Variants in ZNF117 observed in about 807,000 individuals in gnomAD.
ZNF117 encodes the protein zinc finger protein 117, also known as Krueppel-related zinc finger protein.
ZNF117 carries 37 observed loss-of-function variants against 41.2 expected under a neutral mutation model. That is an observed-to-expected ratio of 0.90 (90% CI 0.69 to 1.18). The LOEUF is 1.18. ZNF117 is among the 50% of genes most tolerant of loss of function. ZNF117 has a pLI of 0.00. For missense variants in ZNF117, 546 were observed against 557.5 expected (o/e 0.98, Z 0.21); for synonymous variants, 186 against 186.6 (o/e 1.00, Z 0.02).
chr7:64,978,722 A>G (rs878954140), exon 3 of ZNF117: 10 of 1,610,108 alleles, frequency 6.2e-6, no homozygotes, highest in East Asian at 2.2e-5. Context: ...TAAAGGCTTT[A>G]CCACATTCTT....
chr7:64,978,367 A>C, exon 3 of ZNF117: 1 of 1,613,586 alleles, frequency 6.2e-7, no homozygotes, highest in Non-Finnish European at 8.5e-7. Context: ...CTAAGTTTTG[A>C]GGATAGGTGG....
At chr7:64,982,330 T>G (rs537709077), upstream of ZNF117, among the ~76,000 whole-genome samples, 1 of 152,290 alleles carries the variant, frequency 6.6e-6, no homozygotes, top group Non-Finnish European at 1.5e-5. Context: ...TATAAGAAGA[T>G]CCACAACATC....
chr7:64,979,247 A>G, exon 3 of ZNF117: 1 of 1,608,154 alleles, frequency 6.2e-7, no homozygotes, highest in Non-Finnish European at 8.5e-7. Flanking sequence ...TACATTTAAA[A>G]TGTTTATTTT....
chr7:64,985,672 T>C (rs1342839165), upstream of ZNF117, among the ~76,000 whole-genome samples: 2 of 152,204 alleles, frequency 1.3e-5, no homozygotes, highest in East Asian at 1.9e-4. Flanking sequence ...TAAGAAAATA[T>C]ACTCCTGGCA....
exon 1 of ZNF117, chr7:64,990,215 A>G (rs1786232681): frequency 6.6e-6 from 1 of 152,260 alleles, no homozygotes; most frequent in East Asian, 1.9e-4. Flanking sequence ...TATTAGAAAA[A>G]TGCAGAGAAA....
At chr7:64,983,094 A>G (rs1332651092), upstream of ZNF117, among the ~76,000 whole-genome samples, 5 of 152,240 alleles carry the variant, frequency 3.3e-5, no homozygotes, top group Non-Finnish European at 2.9e-5. Flanking sequence ...AAGAGCAGGT[A>G]TCTATCTCCT....
At chr7:64,982,081 G>A (rs549095150) in exon 1 of ZNF117, 3 of 968,442 alleles carry the variant, frequency 3.1e-6, no homozygotes, top group African/African-American at 1.6e-5. Context: ...CCTCCAAAGA[G>A]AATTCTATGG....
At position 64,982,025 on chromosome 7, in the gene ZNF117, A is replaced by G; in HGVS notation, c.-104T>C. The G allele has an allele frequency of 1.2e-6, 1 of 809,088 alleles. No individual in the cohort carries two copies. Among genetic ancestry groups the G allele is most frequent in the South Asian group, 1.4e-5 (1 of 69,336 alleles). The allele number at this position is 809,088 out of a possible 1,614,324, so 50.1% of individuals were successfully genotyped here. A position where few individuals can be genotyped will look rare whatever the true frequency, so the allele number is the denominator to read the frequency against. Reference sequence around the variant, plus strand: ...CAGGTTTCTGTAGTTCTCTCACATCACATGCCTATATAAATTCTGCTGTGC... The same window carrying G: ...CAGGTTTCTGTAGTTCTCTCACATCGCATGCCTATATAAATTCTGCTGTGC... On this transcript the variant is annotated 5_prime_UTR_variant, in exon 1 of 3. An upstream open reading frame in the 5' UTR loses its in-frame stop. Coordinates refer to ENST00000620222, the Ensembl canonical transcript of ZNF117.
In ZNF117 at chr7:64,978,767, C is replaced by T. The variant is rs779060660; in HGVS notation, c.804G>A (p.Lys268=). Reference sequence around the variant, plus strand: ...ACAGCTTCTCTCCAGTATGAATGTACTTATGTTCAGTAAGTTTTGAGGATC... The same window carrying T: ...ACAGCTTCTCTCCAGTATGAATGTATTTATGTTCAGTAAGTTTTGAGGATC... The change falls in exon 3 of 3, where the codon AAG becomes AAA. Residue 268 remains lysine, a synonymous_variant. Coordinates refer to ENST00000620222, the Ensembl canonical transcript of ZNF117. 1.9e-6 allele frequency: 3 copies of T among 1,613,152 alleles called. No homozygotes were observed. The African/African-American group carries it at 4.0e-5, about 22-fold the overall frequency.
At chr7:64,979,480 A>G in exon 3 of ZNF117, 3 of 1,590,326 alleles carry the variant, frequency 1.9e-6, no homozygotes. Context: ...ACTTTCTGGA[A>G]AGAATCTCTT....
chr7:64,978,051 C>T lies in ZNF117; in HGVS notation c.*68G>A, dbSNP rs1454745356. 10 of 1,516,574 alleles carry T rather than the reference C, an allele frequency of 6.6e-6. No homozygotes were observed. In the East Asian group the frequency reaches 2.1e-4, roughly 31 times the overall value. 93.9% of individuals were successfully genotyped at this position (1,516,574 alleles called of 1,614,324 possible). A position where few individuals can be genotyped will look rare whatever the true frequency, so the allele number is the denominator to read the frequency against. On this transcript the variant is annotated 3_prime_UTR_variant, in exon 3 of 3. Transcript: ENST00000620222. The stretch of plus-strand genomic sequence containing the variant: ...GGTTGAGAAATGGTTAGAAGTTTTG[C>T]CACATTCTTCACACTTGTAAGGTTT...
chr7:64,978,413 C>G (rs1785942790), exon 3 of ZNF117: 4 of 1,613,516 alleles, frequency 2.5e-6, no homozygotes, highest in South Asian at 1.1e-5. Flanking sequence ...TGTGGGGATT[C>G]TCTCCAGTAT....
upstream of ZNF117, chr7:64,982,263 A>G: frequency 8.4e-6 from 3 of 358,746 alleles, no homozygotes; most frequent in Non-Finnish European, 1.5e-5. Flanking sequence ...CCATAAAAGA[A>G]TTTTTAACAC....
intron 1 of ZNF117, among the ~76,000 whole-genome samples, chr7:64,989,498 T>TATAA (rs1786215848): frequency 1.3e-5 from 1 of 76,824 alleles, no homozygotes; most frequent in Non-Finnish European, 2.7e-5. Flanking sequence ...TATATATATA[T>TATAA]AAAACCTGAA....
At chr7:64,980,042 A>T (rs1478560599) in intron 2 of ZNF117, 1 of 153,684 alleles carries the variant, frequency 6.5e-6, no homozygotes, top group African/African-American at 2.4e-5. Context: ...GATCAAAGGT[A>T]AATGTTACAG....
chr7:64,977,859 T>C (rs1785924541), exon 3 of ZNF117: 2 of 1,129,084 alleles, frequency 1.8e-6, no homozygotes, highest in Non-Finnish European at 2.6e-6. Context: ...TTTAATAAGG[T>C]TTGATGATCA....
chr7:64,989,287 G>C (rs750336726), intron 1 of ZNF117, among the ~76,000 whole-genome samples: 2 of 150,810 alleles, frequency 1.3e-5, no homozygotes, highest in African/African-American at 2.4e-5. Flanking sequence ...CTTCAACAAA[G>C]CTTACAAGAG....
exon 3 of ZNF117, chr7:64,978,736 A>C (rs777398322): frequency 3.1e-6 from 5 of 1,613,012 alleles, no homozygotes; most frequent in Admixed American, 1.7e-5. Flanking sequence ...CATTCTTCAC[A>C]TTTGTACAGC....
chr7:64,982,832 A>C (rs1786059994), upstream of ZNF117, among the ~76,000 whole-genome samples: 2 of 152,368 alleles, frequency 1.3e-5, no homozygotes, highest in African/African-American at 4.8e-5. Context: ...AAATAATTAT[A>C]GTAAAGAAAT....
Sources: gnomAD v4.1 joint callset for allele counts (sites outside exome capture counted in the v4.1 genomes callset) on GRCh38, gnomAD v4.1.1 for gene constraint, MANE v1.5 for transcripts, NCBI Gene and HGNC (gene_info 2026-07-23, HGNC 2026-07-21) for gene names.